Variants in SCN9A observed in about 807,000 individuals in gnomAD.
SCN9A encodes sodium voltage-gated channel alpha subunit 9.
A neutral mutation model predicts 187.0 loss-of-function variants in SCN9A; 131 were observed. That is an observed-to-expected ratio of 0.70 (90% CI 0.61 to 0.81). The LOEUF is 0.81. Ranked by LOEUF, SCN9A falls within the 30% of genes least tolerant of loss-of-function variation. The pLI is 0.00. For missense variants in SCN9A, 2,252 were observed against 2,396.6 expected (o/e 0.94, Z 1.26); for synonymous variants, 809 against 808.6 (o/e 1.00, Z -0.01).
intron 7 of SCN9A, among the ~76,000 whole-genome samples, chr2:166,295,201 A>G (rs981138812): frequency 1.3e-5 from 2 of 152,196 alleles, no homozygotes; most frequent in Non-Finnish European, 2.9e-5. Context: ...AAAGCCAGCA[A>G]GATGGCCAGT....
intron 9 of SCN9A, among the ~76,000 whole-genome samples, chr2:166,290,440 G>T (rs1484181233): frequency 6.6e-6 from 1 of 152,084 alleles, no homozygotes; most frequent in African/African-American, 2.4e-5. Flanking sequence ...CCCAGTAATG[G>T]GATTGCTAGG....
chr2:166,293,360 C>T lies in SCN9A; in HGVS notation c.978G>A (p.Glu326=), dbSNP rs1281905689. ...GFSTDSGQCP[E]GYTCVKIGRN... ...TGCCAATTTTCACACAGGTGTACCC[C>T]TCTGGACACTGACTACACACGAGAA... Residue 326 remains glutamate (E), a synonymous_variant, in exon 9 of 27, where the codon GAG becomes GAA. Transcript: ENST00000642356. 4 of 1,607,882 alleles carry T rather than the reference C, an allele frequency of 2.5e-6. No homozygotes were observed. The African/African-American group carries it at 5.3e-5, about 21-fold the overall frequency.
chr2:166,309,936 A>C, intron 2 of SCN9A, among the ~76,000 whole-genome samples: 1 of 137,076 alleles, frequency 7.3e-6, no homozygotes, highest in Non-Finnish European at 1.6e-5. Context: ...GAGCCCTCAG[A>C]AATAACGCCA....
chr2:166,325,956 TCATAA>T (rs1222949496), intron 1 of SCN9A, among the ~76,000 whole-genome samples: 1 of 152,122 alleles, frequency 6.6e-6, no homozygotes, highest in East Asian at 1.9e-4. Flanking sequence ...ACTTATCTAC[TCATAA>T]CATAAGACTT....
intron 18 of SCN9A, among the ~76,000 whole-genome samples, chr2:166,249,139 T>C (rs1293676147): frequency 6.6e-6 from 1 of 152,134 alleles, no homozygotes; most frequent in Non-Finnish European, 1.5e-5. Flanking sequence ...CAATTTTCTT[T>C]ACATCACGGA....
intron 9 of SCN9A, among the ~76,000 whole-genome samples, chr2:166,291,543 T>C (rs1698070999): frequency 6.6e-6 from 1 of 152,176 alleles, no homozygotes; most frequent in South Asian, 2.1e-4. Flanking sequence ...CAAATTACCA[T>C]TGACATCTTC....
intron 13 of SCN9A, among the ~76,000 whole-genome samples, chr2:166,281,240 T>G (rs149278901): frequency 6.6e-6 from 1 of 152,138 alleles, no homozygotes; most frequent in African/African-American, 2.4e-5. Flanking sequence ...CAGCACAGTT[T>G]GTAAAGTTGT....
chr2:166,372,160 C>G (rs1235668373), intron 1 of SCN9A, among the ~76,000 whole-genome samples: 1 of 151,952 alleles, frequency 6.6e-6, no homozygotes, highest in Non-Finnish European at 1.5e-5. Flanking sequence ...CATTTATGAG[C>G]ATGAAGTTTG....
chr2:166,240,931 A>G (rs1201104652), intron 19 of SCN9A, among the ~76,000 whole-genome samples: 6 of 152,138 alleles, frequency 3.9e-5, no homozygotes, highest in Non-Finnish European at 8.8e-5. Context: ...TGTGACATCA[A>G]TCCACTATAT....
intron 1 of SCN9A, among the ~76,000 whole-genome samples, chr2:166,318,630 G>T (rs1316375230): frequency 6.6e-6 from 1 of 151,836 alleles, no homozygotes; most frequent in Non-Finnish European, 1.5e-5. Flanking sequence ...TAAAGGTCAT[G>T]CTTTGTGAAA....
chr2:166,303,982 T>C (rs769057914), intron 6 of SCN9A: 1 of 1,555,344 alleles, frequency 6.4e-7, no homozygotes, highest in South Asian at 1.1e-5. Flanking sequence ...TTTTTATGTC[T>C]TTCTTTCAAA....
intron 1 of SCN9A, among the ~76,000 whole-genome samples, chr2:166,346,466 A>G (rs1415163242): frequency 6.6e-6 from 1 of 152,172 alleles, no homozygotes; most frequent in Non-Finnish European, 1.5e-5. Flanking sequence ...TAGAAAATGT[A>G]TTAAACTTCT....
At chr2:166,297,405 C>T (rs962793859) in intron 7 of SCN9A, among the ~76,000 whole-genome samples, 7 of 151,818 alleles carry the variant, frequency 4.6e-5, no homozygotes, top group African/African-American at 1.7e-4. Context: ...ATAGCATATA[C>T]ATACAATGAA....
intron 24 of SCN9A, among the ~76,000 whole-genome samples, chr2:166,226,362 C>A (rs908597171): frequency 2.0e-5 from 3 of 151,876 alleles, no homozygotes; most frequent in African/African-American, 7.3e-5. Context: ...TTAGCCAGAA[C>A]CTATTATTTA....
At chr2:166,206,323 A>G (rs952221449) in intron 24 of SCN9A, among the ~76,000 whole-genome samples, 1 of 152,228 alleles carries the variant, frequency 6.6e-6, no homozygotes, top group African/African-American at 2.4e-5. Flanking sequence ...ACCATGGAAT[A>G]CTATGCAGCC....
At position 166,195,610 on chromosome 2, in the gene SCN9A, C is replaced by G. The variant is rs989969928; in HGVS notation, c.*3062G>C. 6.6e-6 allele frequency: 1 copy of G among 152,172 alleles called. No homozygotes were observed. Among genetic ancestry groups the G allele is most frequent in the Admixed American group, 6.6e-5 (1 of 15,264 alleles). The allele number at this position is 152,172 out of a possible 1,614,324, so 9.4% of individuals were successfully genotyped here. Reference sequence around the variant, plus strand: ...TCTTTTTAATAAAGCTATCAAAACTCTATAAAATCATGCTAAGTATTTTGG... The same window carrying G: ...TCTTTTTAATAAAGCTATCAAAACTGTATAAAATCATGCTAAGTATTTTGG... On this transcript the variant is annotated 3_prime_UTR_variant, in exon 27 of 27. Transcript: ENST00000642356.
chr2:166,307,164 T>A, intron 2 of SCN9A, 90 bp from the exon 3 acceptor site: 1 of 693,190 alleles, frequency 1.4e-6, no homozygotes, highest in Non-Finnish European at 2.5e-6. Flanking sequence ...TACATGGCAG[T>A]GTTATATTGA....
At chr2:166,238,645 A>G (rs1444838173) in intron 19 of SCN9A, among the ~76,000 whole-genome samples, 1 of 152,118 alleles carries the variant, frequency 6.6e-6, no homozygotes, top group Non-Finnish European at 1.5e-5. Flanking sequence ...TAAACTTTTC[A>G]CATCCTACAC....
At chr2:166,288,774 T>A in intron 9 of SCN9A, 131 bp from the exon 10 acceptor site, 1 of 611,330 alleles carries the variant, frequency 1.6e-6, no homozygotes, top group Non-Finnish European at 2.7e-6. Context: ...AGAGAAAAGT[T>A]ATATCTTCAT....
Sources: gnomAD v4.1 joint callset for allele counts (sites outside exome capture counted in the v4.1 genomes callset) on GRCh38, gnomAD v4.1.1 for gene constraint, MANE v1.5 for transcripts, NCBI Gene and HGNC (gene_info 2026-07-23, HGNC 2026-07-21) for gene names.